KBTBD12: variants seen among roughly 807,000 people sequenced by gnomAD.
KBTBD12 encodes the protein kelch repeat and BTB domain-containing protein 12.
Under a neutral mutation model 58.7 loss-of-function variants are expected in KBTBD12, and 53 were observed. The observed-to-expected ratio is 0.90, with a 90% CI of 0.72 to 1.14. The LOEUF is 1.14. Among genes scored for constraint, KBTBD12 ranks in the 50% most tolerant of loss-of-function variants. The pLI is 0.00. For synonymous variants in KBTBD12, 236 were observed against 259.8 expected, an observed-to-expected ratio of 0.91 and a Z score of 0.88; for missense variants, 704 against 751.3, an observed-to-expected ratio of 0.94 and a Z score of 0.74.
chr3:127,935,314 G>C (rs957874250), intron 4 of KBTBD12, among the ~76,000 whole-genome samples: 8 of 152,160 alleles, frequency 5.3e-5, no homozygotes, highest in African/African-American at 1.9e-4. Flanking sequence ...GACAATATCA[G>C]AGAGTAGAGG....
intron 4 of KBTBD12, among the ~76,000 whole-genome samples, chr3:127,934,381 A>G (rs181307520): frequency 2.0e-5 from 3 of 152,278 alleles, no homozygotes; most frequent in East Asian, 1.9e-4. Context: ...CTTGAAATCT[A>G]TAGAGATTAT....
intron 5 of KBTBD12, among the ~76,000 whole-genome samples, chr3:127,975,969 G>A (rs1438052759): frequency 2.6e-5 from 4 of 152,138 alleles, no homozygotes; most frequent in East Asian, 1.9e-4. Flanking sequence ...TTACAAAAAA[G>A]AAAATGGTAT....
At chr3:127,938,824 G>A (rs947001883) in intron 4 of KBTBD12, among the ~76,000 whole-genome samples, 2 of 152,108 alleles carry the variant, frequency 1.3e-5, no homozygotes, top group Non-Finnish European at 2.9e-5. Context: ...CACACTTCAC[G>A]TTCTCTCCCA....
chr3:127,918,494 C>T lies in KBTBD12; in HGVS notation c.-113+2908C>T, dbSNP rs574059165. Among the ~76,000 whole-genome samples, 13 of 152,264 alleles carry T rather than the reference C, an allele frequency of 8.5e-5. No individual in the cohort carries two copies. The South Asian group carries it at 1.7e-3, about 19-fold the overall frequency. Reference sequence around the variant, plus strand: ...TTGGGAGGCCGAGGCGGGCAGATCACGAGGTCAGCAGATTGAGACCATCCT... The same window carrying T: ...TTGGGAGGCCGAGGCGGGCAGATCATGAGGTCAGCAGATTGAGACCATCCT... On this transcript the variant is annotated intron_variant, in intron 1 of 5. Coordinates refer to ENST00000405109, the MANE Select transcript of KBTBD12 (RefSeq NM_207335.4).
At chr3:127,937,974 G>A (rs187270915) in intron 4 of KBTBD12, among the ~76,000 whole-genome samples, 3 of 152,106 alleles carry the variant, frequency 2.0e-5, no homozygotes, top group South Asian at 2.1e-4. Flanking sequence ...TCAAGAATAC[G>A]GATGAAATAA....
At chr3:127,964,969 G>A (rs147614211) in intron 5 of KBTBD12, among the ~76,000 whole-genome samples, 11 of 152,292 alleles carry the variant, frequency 7.2e-5, no homozygotes, top group African/African-American at 1.9e-4. Context: ...CAAGCCCTGC[G>A]TGTAAGAAGG....
At chr3:127,966,102 A>T (rs1940562161) in intron 5 of KBTBD12, among the ~76,000 whole-genome samples, 1 of 152,242 alleles carries the variant, frequency 6.6e-6, no homozygotes, top group African/African-American at 2.4e-5. Context: ...ACAGGAGTTA[A>T]GGTCAGGCAT....
At chr3:127,977,904 G>A (rs962563261) in intron 5 of KBTBD12, among the ~76,000 whole-genome samples, 1 of 152,150 alleles carries the variant, frequency 6.6e-6, no homozygotes, top group Non-Finnish European at 1.5e-5. Context: ...TTTTGCTGGA[G>A]TGTATGTCCA....
chr3:127,924,749 T>C lies in KBTBD12; in HGVS notation c.1070+618T>C, dbSNP rs544769399. On this transcript the variant is annotated intron_variant, in intron 2 of 5. Coordinates refer to ENST00000405109, the MANE Select transcript of KBTBD12 (RefSeq NM_207335.4). Reference sequence around the variant, plus strand: ...GATTTTGCTTAAATCTCCAACACTGTAAAATGTTTGTAGTTGAAGAATGCT... The same window carrying C: ...GATTTTGCTTAAATCTCCAACACTGCAAAATGTTTGTAGTTGAAGAATGCT... Among the ~76,000 whole-genome samples the C allele has an allele frequency of 7.2e-5, 11 of 152,330 alleles. 1 individual carries two copies. The highest frequency in any genetic ancestry group is 2.6e-4 in the African/African-American group (11 of 41,586).
rs1939202833 is a variant in KBTBD12 at position 127,915,401 on chromosome 3, G to A, written c.-298G>A. 6.5e-6 allele frequency: 1 copy of A among 152,804 alleles called. No individual in the cohort carries two copies. The highest frequency in any genetic ancestry group is 1.5e-5 in the Non-Finnish European group (1 of 68,512). 9.5% of individuals were successfully genotyped at this position (152,804 alleles called of 1,614,324 possible). ...GAGGGCAGCACCTGTCCCCTCGGAGGCGCTGCCAGCGCCCTCCCTCCTCCT... is the reference window on the plus strand; with the variant it reads ...GAGGGCAGCACCTGTCCCCTCGGAGACGCTGCCAGCGCCCTCCCTCCTCCT... On this transcript the variant is annotated 5_prime_UTR_variant, in exon 1 of 6. Coordinates refer to ENST00000405109, the MANE Select transcript of KBTBD12 (RefSeq NM_207335.4).
In KBTBD12 at chr3:127,963,220, C is replaced by G; in HGVS notation, c.1524C>G (p.Gly508=). The G allele has an allele frequency of 1.9e-6, 3 of 1,611,726 alleles. No homozygotes were observed. Among genetic ancestry groups the G allele is most frequent in the Non-Finnish European group, 2.5e-6 (3 of 1,178,934 alleles). The change falls in exon 5 of 6, where the codon GGC becomes GGG. Residue 508 remains glycine, a synonymous_variant. Coordinates refer to ENST00000405109, the MANE Select transcript of KBTBD12 (RefSeq NM_207335.4). ...TTGGCTGTGTAGGTCAAGACAAGGG[C>G]CAGGTTCGAAAATGCCTTGACGTGG... The part of the protein sequence containing the change: ...GGIGCVGQDK[G]QVRKCLDVVE...
intron 5 of KBTBD12, among the ~76,000 whole-genome samples, chr3:127,980,003 C>A (rs1224993288): frequency 1.3e-5 from 2 of 152,274 alleles, no homozygotes; most frequent in East Asian, 3.9e-4. Flanking sequence ...AAAACATTTT[C>A]CTAAATAAGT....
At chr3:127,941,237 A>G (rs953910172) in intron 4 of KBTBD12, among the ~76,000 whole-genome samples, 2 of 152,208 alleles carry the variant, frequency 1.3e-5, no homozygotes, top group Non-Finnish European at 2.9e-5. Context: ...AAAGAAAACT[A>G]CAGATCAATA....
intron 4 of KBTBD12, among the ~76,000 whole-genome samples, chr3:127,953,360 A>G (rs1402716782): frequency 6.6e-6 from 1 of 152,178 alleles, no homozygotes; most frequent in Non-Finnish European, 1.5e-5. Context: ...ATTTCCTCCT[A>G]TTGTAAACAT....
intron 4 of KBTBD12, among the ~76,000 whole-genome samples, chr3:127,944,076 G>C (rs970395696): frequency 6.6e-6 from 1 of 152,022 alleles, no homozygotes; most frequent in South Asian, 2.1e-4. Flanking sequence ...ATACTGTTTT[G>C]ATCACTATAG....
At chr3:127,948,839 C>A (rs189307954) in intron 4 of KBTBD12, among the ~76,000 whole-genome samples, 9 of 152,222 alleles carry the variant, frequency 5.9e-5, no homozygotes, top group Admixed American at 1.3e-4. Flanking sequence ...ATAGCAAAAT[C>A]ATCACAAAAC....
intron 4 of KBTBD12, among the ~76,000 whole-genome samples, chr3:127,958,408 G>A (rs897773138): frequency 6.6e-6 from 1 of 152,128 alleles, no homozygotes; most frequent in South Asian, 2.1e-4. Context: ...GACCTGCTGG[G>A]ACCCCTGCAG....
intron 4 of KBTBD12, among the ~76,000 whole-genome samples, chr3:127,943,765 C>A (rs1342935615): frequency 6.6e-6 from 1 of 151,930 alleles, no homozygotes; most frequent in East Asian, 1.9e-4. Context: ...ATTGCCAAGG[C>A]CAATGTCAAG....
chr3:127,972,613 A>G, intron 5 of KBTBD12, among the ~76,000 whole-genome samples: 1 of 152,214 alleles, frequency 6.6e-6, no homozygotes, highest in East Asian at 1.9e-4. Context: ...CTTAGAATGT[A>G]GTTGTGCTTC....
Sources: allele counts gnomAD v4.1 joint callset (sites outside exome capture counted in the v4.1 genomes callset), GRCh38; gene constraint gnomAD v4.1.1; transcripts MANE v1.5; gene names NCBI Gene and HGNC (gene_info 2026-07-23, HGNC 2026-07-21).